FHIT: variants seen among roughly 807,000 people sequenced by gnomAD.
FHIT encodes bis(5'-adenosyl)-triphosphatase.
FHIT carries 19 observed loss-of-function variants against 17.9 expected under a neutral mutation model. The ratio of observed to expected loss-of-function variants is 1.06; its 90% CI spans 0.74 to 1.56. The LOEUF is 1.56. Ranked by LOEUF, FHIT falls within the 40% of genes most tolerant of loss-of-function variation. FHIT has a pLI of 0.00. For missense variants in FHIT, 248 were observed against 189.2 expected (o/e 1.31, Z -1.82); for synonymous variants, 81 against 69.7 (o/e 1.16, Z -0.81).
chr3:60,293,990 AG>A (rs1708096740), intron 5 of FHIT, among the ~76,000 whole-genome samples: 1 of 152,172 alleles, frequency 6.6e-6, no homozygotes, highest in South Asian at 2.1e-4. Context: ...CATTTTAAAA[AG>A]CAATCTCAGC....
chr3:60,813,328 C>T (rs1242235289), intron 4 of FHIT, among the ~76,000 whole-genome samples: 1 of 151,846 alleles, frequency 6.6e-6, no homozygotes, highest in Non-Finnish European at 1.5e-5. Flanking sequence ...ATTGCCCAAT[C>T]TCGGGTATTC....
chr3:60,768,866 A>T (rs781853248), intron 4 of FHIT, among the ~76,000 whole-genome samples: 3 of 152,234 alleles, frequency 2.0e-5, no homozygotes, highest in Non-Finnish European at 2.9e-5. Context: ...AAGATACAGA[A>T]AAATACCCTG....
chr3:59,766,664 T>G lies in FHIT; in HGVS notation c.349-14343A>C, dbSNP rs1701811806. Among the ~76,000 whole-genome samples the G allele has an allele frequency of 2.6e-5, 4 of 152,226 alleles. No homozygotes were observed. In the South Asian group the frequency reaches 8.3e-4, roughly 32 times the overall value. On this transcript the variant is annotated intron_variant, in intron 8 of 9. Coordinates refer to ENST00000492590, the MANE Select transcript of FHIT (RefSeq NM_002012.4). The stretch of plus-strand genomic sequence containing the variant: ...CATTTCGCATGCTTTCCACATTTCA[T>G]AATCTCTTTAGTCCTTTTGTTTATG...
At chr3:59,965,456 G>A (rs1032558384) in intron 7 of FHIT, among the ~76,000 whole-genome samples, 2 of 152,098 alleles carry the variant, frequency 1.3e-5, no homozygotes, top group African/African-American at 4.8e-5. Context: ...TCTTGTTGTT[G>A]TTGAGCAACT....
At chr3:59,854,129 T>C (rs555560728) in intron 8 of FHIT, among the ~76,000 whole-genome samples, 4 of 152,310 alleles carry the variant, frequency 2.6e-5, no homozygotes, top group African/African-American at 9.6e-5. Context: ...TTTGCATTGA[T>C]TGGTATCAAA....
At chr3:60,318,282 GAACT>G (rs1200058895) in intron 5 of FHIT, among the ~76,000 whole-genome samples, 5 of 152,164 alleles carry the variant, frequency 3.3e-5, no homozygotes, top group South Asian at 2.1e-4. Flanking sequence ...TCAAAAGAAA[GAACT>G]AACAAAAGGA....
At chr3:60,014,745 A>G (rs1390539572) in intron 5 of FHIT, among the ~76,000 whole-genome samples, 2 of 152,212 alleles carry the variant, frequency 1.3e-5, no homozygotes, top group Non-Finnish European at 2.9e-5. Flanking sequence ...AATTTATGAC[A>G]AGAGTTCCTC....
At chr3:60,912,054 T>TACACAC (rs34525181) in intron 3 of FHIT, among the ~76,000 whole-genome samples, 1 of 150,406 alleles carries the variant, frequency 6.6e-6, no homozygotes, top group African/African-American at 2.4e-5. Flanking sequence ...CACACACACA[T>TACACAC]ACACACACAC....
At chr3:60,735,504 A>G (rs1196345385) in intron 4 of FHIT, among the ~76,000 whole-genome samples, 6 of 152,234 alleles carry the variant, frequency 3.9e-5, no homozygotes, top group African/African-American at 1.4e-4. Context: ...TGAAGGAACT[A>G]TTGTGAAAGG....
At chr3:60,307,832 G>A (rs1576452846) in intron 5 of FHIT, among the ~76,000 whole-genome samples, 1 of 139,790 alleles carries the variant, frequency 7.2e-6, no homozygotes, top group East Asian at 2.2e-4. Context: ...GGCAACCATG[G>A]CCAAGGTAGA....
chr3:59,758,742 T>TAAAC, intron 8 of FHIT, among the ~76,000 whole-genome samples: 1 of 152,284 alleles, frequency 6.6e-6, no homozygotes, highest in Non-Finnish European at 1.5e-5. Context: ...AAATTTAAGT[T>TAAAC]AAACATAAAA....
At chr3:60,578,719 C>T (rs1165466836) in intron 4 of FHIT, among the ~76,000 whole-genome samples, 1 of 152,088 alleles carries the variant, frequency 6.6e-6, no homozygotes, top group East Asian at 1.9e-4. Flanking sequence ...ATGGGTATTG[C>T]TGATCCTAAT....
At chr3:60,242,592 G>A (rs1382389129) in intron 5 of FHIT, among the ~76,000 whole-genome samples, 5 of 152,040 alleles carry the variant, frequency 3.3e-5, no homozygotes, top group Non-Finnish European at 5.9e-5. Context: ...AGGCAAAGTT[G>A]ACTGCTTAGA....
intron 4 of FHIT, among the ~76,000 whole-genome samples, chr3:60,652,449 A>T (rs1300703327): frequency 6.6e-6 from 1 of 151,904 alleles, no homozygotes; most frequent in Non-Finnish European, 1.5e-5. Context: ...TAAAATACAA[A>T]AAGTAGGGCC....
intron 3 of FHIT, among the ~76,000 whole-genome samples, chr3:60,896,079 T>C (rs1161220820): frequency 6.6e-6 from 1 of 152,014 alleles, no homozygotes; most frequent in Admixed American, 6.5e-5. Flanking sequence ...CATGGCAACA[T>C]TAACCCTATT....
chr3:61,072,002 T>G (rs2034823687), intron 2 of FHIT, among the ~76,000 whole-genome samples: 2 of 152,178 alleles, frequency 1.3e-5, no homozygotes, highest in South Asian at 4.1e-4. Context: ...TGTTAGATAG[T>G]CCCACCCCTC....
intron 4 of FHIT, chr3:60,731,999 A>G: frequency 2.7e-6 from 1 of 376,380 alleles, no homozygotes; most frequent in Non-Finnish European, 5.0e-6. Context: ...CAATCCAGCT[A>G]GGGAACAAGG....
chr3:60,241,514 G>A (rs1289992987), intron 5 of FHIT, among the ~76,000 whole-genome samples: 3 of 152,022 alleles, frequency 2.0e-5, no homozygotes, highest in Non-Finnish European at 2.9e-5. Flanking sequence ...CTATGTAAAG[G>A]TACTATCTTC....
At chr3:60,021,242 C>T (rs1700542726) in intron 5 of FHIT, among the ~76,000 whole-genome samples, 1 of 152,150 alleles carries the variant, frequency 6.6e-6, no homozygotes. Flanking sequence ...CCTTGTTCAT[C>T]TGGAGGAAGA....
Sources: allele counts gnomAD v4.1 joint callset (sites outside exome capture counted in the v4.1 genomes callset), GRCh38; gene constraint gnomAD v4.1.1; transcripts MANE v1.5; gene names NCBI Gene and HGNC (gene_info 2026-07-23, HGNC 2026-07-21).